Variants in KIAA0319 observed in about 807,000 individuals in gnomAD.
The protein encoded by KIAA0319 is KIAA0319.
Under a neutral mutation model 108.4 loss-of-function variants are expected in KIAA0319, and 83 were observed. The observed-to-expected ratio is 0.77, with a 90% CI of 0.64 to 0.92. The LOEUF is 0.92. Among genes scored for constraint, KIAA0319 ranks in the 40% least tolerant of loss-of-function variants. The pLI, the probability that KIAA0319 is intolerant of heterozygous loss-of-function variation, is 0.00. For missense variants in KIAA0319, 1,195 were observed against 1,322.4 expected, an observed-to-expected ratio of 0.90 and a Z score of 1.49; for synonymous variants, 484 against 510.4, an observed-to-expected ratio of 0.95 and a Z score of 0.70.
chr6:24,590,497 T>C (rs150929835), intron 3 of KIAA0319, among the ~76,000 whole-genome samples: 1 of 152,294 alleles, frequency 6.6e-6, no homozygotes, highest in East Asian at 1.9e-4. Context: ...CTGTGCTCTC[T>C]AAGAATAGCA....
chr6:24,597,181 T>G (rs1056852669), intron 2 of KIAA0319, among the ~76,000 whole-genome samples: 1 of 152,256 alleles, frequency 6.6e-6, no homozygotes. Context: ...ATACTATTTA[T>G]AATACTTTGT....
At chr6:24,601,436 T>A in intron 1 of KIAA0319, 1 of 500,358 alleles carries the variant, frequency 2.0e-6, no homozygotes, top group Non-Finnish European at 2.6e-6. Context: ...GCTGTGGAAA[T>A]AAACGAGGAC....
chr6:24,594,770 A>T (rs1769194789), intron 3 of KIAA0319, among the ~76,000 whole-genome samples: 9 of 152,210 alleles, frequency 5.9e-5, no homozygotes, highest in Non-Finnish European at 1.5e-5. Context: ...TGGAATCTAA[A>T]GAAGGAAAAC....
rs1761501484 is a variant in KIAA0319, at chr6:24,551,496, G to GT, written c.2977dup (p.Thr993AsnfsTer8). ...CATGTTATCCAGGATGGTGTACTTT[G>GT]TTTTTTTCCTGATTTTAGTCCTTTT... On this transcript the variant is annotated frameshift_variant, in exon 20 of 21. Transcript: ENST00000378214. LOFTEE classifies it high-confidence loss of function. 9.3e-6 allele frequency: 15 copies of GT among 1,611,714 alleles called. No homozygotes were observed. The highest frequency in any genetic ancestry group is 1.2e-5 in the Non-Finnish European group (14 of 1,177,950).
intron 1 of KIAA0319, among the ~76,000 whole-genome samples, chr6:24,621,945 G>C (rs1252035690): frequency 6.6e-6 from 1 of 152,194 alleles, no homozygotes; most frequent in Non-Finnish European, 1.5e-5. Flanking sequence ...TAAAGCCAGA[G>C]AACTGCTCTC....
At chr6:24,637,585 G>C (rs1776365193) in intron 1 of KIAA0319, among the ~76,000 whole-genome samples, 1 of 152,188 alleles carries the variant, frequency 6.6e-6, no homozygotes, top group African/African-American at 2.4e-5. Context: ...AGTTACAAAA[G>C]TGTCTTGAAC....
At chr6:24,613,589 C>A (rs1772703317) in intron 1 of KIAA0319, among the ~76,000 whole-genome samples, 1 of 151,744 alleles carries the variant, frequency 6.6e-6, no homozygotes, top group Non-Finnish European at 1.5e-5. Context: ...ATCCTGAATC[C>A]CCACTGATTT....
In KIAA0319 at chr6:24,562,522, C is replaced by T. The variant is rs566755657; in HGVS notation, c.2591+837G>A. 2.2e-4 allele frequency among the ~76,000 whole-genome samples: 33 copies of T among 152,236 alleles called. No individual in the cohort carries two copies. In the South Asian group the frequency reaches 5.8e-3, roughly 27 times the overall value. Reference sequence around the variant, plus strand: ...ATTCTTTTTCTCCCTCCTCCCACTCCACCCTGAGCTAGATAAGACTTTAAA... The same window carrying T: ...ATTCTTTTTCTCCCTCCTCCCACTCTACCCTGAGCTAGATAAGACTTTAAA... On this transcript the variant is annotated intron_variant, in intron 16 of 20. Coordinates refer to ENST00000378214, the MANE Select transcript of KIAA0319 (RefSeq NM_014809.4).
At chr6:24,643,083 T>C (rs1372070725) in intron 1 of KIAA0319, among the ~76,000 whole-genome samples, 1 of 152,186 alleles carries the variant, frequency 6.6e-6, no homozygotes. Flanking sequence ...CAATATTATT[T>C]AGAAGGAAAA....
intron 10 of KIAA0319, among the ~76,000 whole-genome samples, chr6:24,575,864 C>G (rs780039279): frequency 6.6e-6 from 1 of 151,864 alleles, no homozygotes; most frequent in Non-Finnish European, 1.5e-5. Context: ...ACAGCTCACA[C>G]ACACAACAGA....
Position 24,578,098 on chromosome 6 carries a change from G to T in KIAA0319, c.1505+12C>A. ...GTAGCAGGCAGCACAATAAAGGCAG[G>T]GACCCACTTGCCTGAAACTATAGTT... On this transcript the variant is annotated intron_variant, in intron 9 of 20. Transcript: ENST00000378214. The T allele has an allele frequency of 1.2e-6, 2 of 1,604,638 alleles. No individual in the cohort carries two copies. The highest frequency in any genetic ancestry group is 1.7e-6 in the Non-Finnish European group (2 of 1,176,098).
rs552014926 is a variant in KIAA0319, at chr6:24,545,673, A to G, written c.*1492T>C. On this transcript the variant is annotated 3_prime_UTR_variant, in exon 21 of 21. Coordinates refer to ENST00000378214, the MANE Select transcript of KIAA0319 (RefSeq NM_014809.4). ...TTCTGCCTTTCCCCAGTAAATTACA[A>G]TAAGTAAAAATAAGATGGTCCCATG... The G allele has an allele frequency of 2.1e-4, 32 of 152,386 alleles. No individual in the cohort carries two copies. Among genetic ancestry groups the G allele is most frequent in the African/African-American group, 7.0e-4 (29 of 41,592 alleles). 9.4% of individuals were successfully genotyped at this position (152,386 alleles called of 1,614,324 possible). A position where few individuals can be genotyped will look rare whatever the true frequency, so the allele number is the denominator to read the frequency against.
chr6:24,570,025 T>G lies in KIAA0319; in HGVS notation c.1869A>C (p.Arg623Ser), dbSNP rs908659970. The change falls in exon 12 of 21, where the codon AGA (arginine) becomes AGC (serine). Residue 623 changes from arginine (R) to serine (S), a missense_variant. Physicochemically the swap from Arg to Ser is moderately radical, Grantham distance 110 (BLOSUM62 -1). Coordinates refer to ENST00000378214, the MANE Select transcript of KIAA0319 (RefSeq NM_014809.4). ...CAGGGCCGGCCACAGCCACTGGAGG[T>G]CTATTGTTTTCTGGAATTACAGAAA... ...VTVIVQPENN[R>S]PPVAVAGPDK... is the part of the protein sequence containing the mutation. 1 of 1,613,698 alleles carries G rather than the reference T, an allele frequency of 6.2e-7. No individual in the cohort carries two copies. Among genetic ancestry groups the G allele is most frequent in the Middle Eastern group, 1.7e-4 (1 of 6,030 alleles).
intron 4 of KIAA0319, among the ~76,000 whole-genome samples, chr6:24,586,118 T>G (rs1346011354): frequency 6.6e-6 from 1 of 152,156 alleles, no homozygotes; most frequent in Non-Finnish European, 1.5e-5. Flanking sequence ...AGCTGTACCC[T>G]GACCACCTTG....
At position 24,570,020 on chromosome 6, in the gene KIAA0319, G is replaced by A. The variant is rs775255865; in HGVS notation, c.1874C>T (p.Pro625Leu). ...VIVQPENNRPPVAVAGPDKEL... is the reference protein window; with the variant it reads ...VIVQPENNRPLVAVAGPDKEL... The stretch of plus-strand genomic sequence containing the variant: ...TTTATCAGGGCCGGCCACAGCCACT[G>A]GAGGTCTATTGTTTTCTGGAATTAC... Residue 625 changes from proline (P) to leucine (L), a missense_variant, in exon 12 of 21, where the codon CCA (proline) becomes CTA (leucine). Pro to Leu is a moderately conservative substitution (Grantham distance 98). Coordinates refer to ENST00000378214, the MANE Select transcript of KIAA0319 (RefSeq NM_014809.4). 1.7e-5 allele frequency: 27 copies of A among 1,613,922 alleles called. No individual in the cohort carries two copies. The South Asian group carries it at 2.7e-4, about 16-fold the overall frequency.
intron 10 of KIAA0319, among the ~76,000 whole-genome samples, chr6:24,573,678 T>C (rs1765054814): frequency 6.6e-6 from 1 of 152,232 alleles, no homozygotes; most frequent in African/African-American, 2.4e-5. Flanking sequence ...ATTAAACTGA[T>C]AAAAGTAATT....
chr6:24,543,842 G>A (rs79426779), downstream of KIAA0319, among the ~76,000 whole-genome samples: 5 of 152,162 alleles, frequency 3.3e-5, no homozygotes, highest in East Asian at 1.9e-4. Flanking sequence ...CTTCTGGCAC[G>A]AGGGACAGAC....
chr6:24,596,713 C>T, intron 2 of KIAA0319, 95 bp from the exon 3 acceptor site: 2 of 1,093,296 alleles, frequency 1.8e-6, no homozygotes, highest in Non-Finnish European at 1.3e-6. Context: ...TTCTCAATCC[C>T]TGGCCAGTCT....
intron 1 of KIAA0319, among the ~76,000 whole-genome samples, chr6:24,603,994 G>T (rs568025365): frequency 2.6e-5 from 4 of 152,134 alleles, no homozygotes; most frequent in Non-Finnish European, 4.4e-5. Flanking sequence ...GGCTGAGTTA[G>T]ACCAAGGGAC....
Sources: allele counts gnomAD v4.1 joint callset (sites outside exome capture counted in the v4.1 genomes callset), GRCh38; gene constraint gnomAD v4.1.1; transcripts MANE v1.5; gene names NCBI Gene and HGNC (gene_info 2026-07-23, HGNC 2026-07-21).